Variants in PRDM10 observed in about 807,000 individuals in gnomAD.
PRDM10 encodes PR/SET domain 10.
A neutral mutation model predicts 133.1 loss-of-function variants in PRDM10; 65 were observed. That is an observed-to-expected ratio of 0.49 (90% confidence interval 0.40 to 0.60). The LOEUF is 0.60. PRDM10 is among the 20% of genes least tolerant of loss of function. PRDM10 has a pLI of 0.00. For synonymous variants in PRDM10, 582 were observed against 580.4 expected (o/e 1.00, Z -0.04); for missense variants, 1,137 against 1,507.1 (o/e 0.75, Z 4.07).
intron 1 of PRDM10, among the ~76,000 whole-genome samples, chr11:129,983,899 C>T (rs1235851201): frequency 5.9e-5 from 9 of 152,136 alleles, no homozygotes; most frequent in African/African-American, 7.2e-5. Context: ...GTCCTCTCAC[C>T]GACTCTCTGC....
chr11:129,935,233 G>C lies in PRDM10; in HGVS notation c.1040-15C>G. On this transcript the variant is annotated splice_polypyrimidine_tract_variant and intron_variant, in intron 8 of 20. Coordinates refer to ENST00000360871, the MANE Select transcript of PRDM10 (RefSeq NM_199437.2). ...CTCTCGAAGAACTACAGTCACAGGA[G>C]AGAAATCATAAAGGCTGATGACCAA... 7.5e-6 allele frequency: 12 copies of C among 1,596,992 alleles called. No homozygotes were observed. The highest frequency in any genetic ancestry group is 1.0e-5 in the Non-Finnish European group (12 of 1,164,456).
chr11:129,910,668 G>T lies in PRDM10; in HGVS notation c.2983-12C>A. On this transcript the variant is annotated splice_polypyrimidine_tract_variant and intron_variant, in intron 18 of 20. Coordinates refer to ENST00000360871, the MANE Select transcript of PRDM10 (RefSeq NM_199437.2). Reference sequence around the variant, plus strand: ...GGCTGCCCAGATACCTGGGGAGAAAGAGAAAGCAATGGTAGGGAATTACGA... The same window carrying T: ...GGCTGCCCAGATACCTGGGGAGAAATAGAAAGCAATGGTAGGGAATTACGA... The T allele has an allele frequency of 6.5e-7, 1 of 1,540,438 alleles. No homozygotes were observed. Among genetic ancestry groups the T allele is most frequent in the South Asian group, 1.2e-5 (1 of 80,656 alleles).
intron 4 of PRDM10, among the ~76,000 whole-genome samples, chr11:129,951,552 T>C (rs1951582462): frequency 6.6e-6 from 1 of 152,196 alleles, no homozygotes; most frequent in South Asian, 2.1e-4. Context: ...GCAAAAAGAA[T>C]CTATAAACTT....
At position 129,910,699 on chromosome 11, in the gene PRDM10, T is replaced by C. The variant is rs749377543; in HGVS notation, c.2983-43A>G. 4.2e-6 allele frequency: 6 copies of C among 1,432,298 alleles called. No individual in the cohort carries two copies. In the East Asian group the frequency reaches 1.2e-4, roughly 29 times the overall value. 88.7% of individuals were successfully genotyped at this position (1,432,298 alleles called of 1,614,324 possible). ...GCAATGGTAGGGAATTACGAGCTTC[T>C]AATATAGTGAAGACTCACAAATAAC... On this transcript the variant is annotated intron_variant, in intron 18 of 20. Coordinates refer to ENST00000360871, the MANE Select transcript of PRDM10 (RefSeq NM_199437.2).
chr11:129,982,443 T>C (rs1938168707), intron 1 of PRDM10, among the ~76,000 whole-genome samples: 1 of 151,948 alleles, frequency 6.6e-6, no homozygotes, highest in South Asian at 2.1e-4. Context: ...TTTGTATTTT[T>C]AGTAGAGACG....
intron 1 of PRDM10, among the ~76,000 whole-genome samples, chr11:129,984,194 C>A (rs750744179): frequency 6.6e-6 from 1 of 152,210 alleles, no homozygotes; most frequent in Non-Finnish European, 1.5e-5. Flanking sequence ...CTGTCCTCAC[C>A]GCACTCGCTC....
chr11:129,963,599 T>G (rs984266872), intron 1 of PRDM10, among the ~76,000 whole-genome samples: 1 of 152,162 alleles, frequency 6.6e-6, no homozygotes, highest in African/African-American at 2.4e-5. Context: ...TTGTACCATG[T>G]TTACTTTACT....
At chr11:130,000,194 C>T (rs1939274355) in intron 1 of PRDM10, among the ~76,000 whole-genome samples, 1 of 152,128 alleles carries the variant, frequency 6.6e-6, no homozygotes, top group Non-Finnish European at 1.5e-5. Context: ...CAGGCGCCTG[C>T]CATCATGTCC....
chr11:129,932,309 A>T, intron 9 of PRDM10, 78 bp from the exon 10 acceptor site: 1 of 1,532,582 alleles, frequency 6.5e-7, no homozygotes, highest in Non-Finnish European at 8.9e-7. Flanking sequence ...AATGATCCTT[A>T]CTAACCCCAG....
chr11:129,931,013 T>C lies in PRDM10; in HGVS notation c.1530+3A>G. 6.3e-7 allele frequency: 1 copy of C among 1,598,020 alleles called. No individual in the cohort carries two copies. Among genetic ancestry groups the C allele is most frequent in the South Asian group, 1.1e-5 (1 of 89,560 alleles). On this transcript the variant is annotated splice_donor_region_variant and intron_variant, in intron 11 of 20. Coordinates refer to ENST00000360871, the MANE Select transcript of PRDM10 (RefSeq NM_199437.2). Reference sequence around the variant, plus strand: ...CCAGGAGCCGCCGGCTTTCCCCACTTACTCGGATGCGCTTGGCTCTGCGCA... The same window carrying C: ...CCAGGAGCCGCCGGCTTTCCCCACTCACTCGGATGCGCTTGGCTCTGCGCA...
At chr11:129,995,293 G>A (rs923799674) in intron 1 of PRDM10, among the ~76,000 whole-genome samples, 1 of 152,148 alleles carries the variant, frequency 6.6e-6, no homozygotes, top group Non-Finnish European at 1.5e-5. Flanking sequence ...TGGGGCTGAG[G>A]ATACAGACCC....
intron 20 of PRDM10, among the ~76,000 whole-genome samples, chr11:129,905,341 G>A (rs578004646): frequency 1.6e-5 from 2 of 127,348 alleles, no homozygotes; most frequent in Non-Finnish European, 3.1e-5. Context: ...CCAGCCTGGC[G>A]ACACAGCAAG....
At chr11:129,986,217 G>A (rs59996187) in intron 1 of PRDM10, among the ~76,000 whole-genome samples, 23,640 of 150,802 alleles carry the variant, frequency 0.16, 3,712 homozygotes, top group East Asian at 0.5. Context: ...GCAAGTCCTT[G>A]TGGCTTAGGA....
chr11:129,959,502 G>A (rs373665435), intron 2 of PRDM10, among the ~76,000 whole-genome samples: 4 of 152,160 alleles, frequency 2.6e-5, no homozygotes, highest in African/African-American at 9.7e-5. Flanking sequence ...GCTGGCGGAA[G>A]AACCAGTTGG....
chr11:129,941,032 G>A (rs190698553), intron 7 of PRDM10, among the ~76,000 whole-genome samples: 287 of 152,162 alleles, frequency 1.9e-3, no homozygotes, highest in African/African-American at 6.6e-3. Context: ...GTATGAGATA[G>A]GAATCTCCTT....
chr11:130,000,599 T>G (rs1196751168), intron 1 of PRDM10, among the ~76,000 whole-genome samples: 5 of 152,176 alleles, frequency 3.3e-5, no homozygotes, highest in Non-Finnish European at 2.9e-5. Flanking sequence ...TGCTACAAAA[T>G]ATTAGAAAAA....
chr11:129,923,383 G>A lies in PRDM10; in HGVS notation c.1899C>T (p.Ser633=), dbSNP rs1230716905. 3 of 1,607,262 alleles carry A rather than the reference G, an allele frequency of 1.9e-6. No homozygotes were observed. Among genetic ancestry groups the A allele is most frequent in the African/African-American group, 2.7e-5 (2 of 74,504 alleles). The change falls in exon 13 of 21, where the codon AGC becomes AGT. Residue 633 remains serine, a synonymous_variant. Coordinates refer to ENST00000360871, the MANE Select transcript of PRDM10 (RefSeq NM_199437.2). This position sits in a 1 kb window ranked among gnomAD's most constrained non-coding sequence, Gnocchi z 4.4. ...ACTGGTAGATCTTTTCTGAGTGGAA[G>A]CTGCGCACGTGTTTTTTCACCTGGT... is the stretch of plus-strand genomic sequence containing the variant. ...DFIQVKKHVR[S]FHSEKIYQCT...
intron 2 of PRDM10, among the ~76,000 whole-genome samples, chr11:129,959,675 C>T (rs538346165): frequency 6.6e-6 from 1 of 152,276 alleles, no homozygotes; most frequent in South Asian, 2.1e-4. Context: ...TACATAGCTG[C>T]ATGGAAATGA....
chr11:130,002,395 G>A (rs1285432500), intron 1 of PRDM10, among the ~76,000 whole-genome samples: 1 of 152,106 alleles, frequency 6.6e-6, no homozygotes, highest in Non-Finnish European at 1.5e-5. Context: ...TGAACGCGGC[G>A]CCAGGAGGGC....
Sources: allele counts gnomAD v4.1 joint callset (sites outside exome capture counted in the v4.1 genomes callset), GRCh38; gene constraint gnomAD v4.1.1; non-coding constraint Gnocchi (gnomAD v3.1); transcripts MANE v1.5; gene names NCBI Gene and HGNC (gene_info 2026-07-23, HGNC 2026-07-21).